The following MMP20 variants were observed in gnomAD, a reference collection of about 807,000 sequenced individuals.
The protein encoded by MMP20 is matrix metalloproteinase-20.
Under a neutral mutation model 51.8 loss-of-function variants are expected in MMP20, and 50 were observed. The observed-to-expected ratio is 0.97, with a 90% CI of 0.77 to 1.22. MMP20 has a LOEUF of 1.22. Among genes scored for constraint, MMP20 ranks in the 50% most tolerant of loss-of-function variants. MMP20 has a pLI of 0.00. For missense variants in MMP20, 663 were observed against 601.4 expected (o/e 1.10, Z -1.07); for synonymous variants, 244 against 216.2 (o/e 1.13, Z -1.13).
chr11:102,608,604 G>C (rs1003433477), intron 5 of MMP20, among the ~76,000 whole-genome samples: 3 of 152,110 alleles, frequency 2.0e-5, no homozygotes, highest in African/African-American at 7.2e-5. Flanking sequence ...TCTGCAAATG[G>C]GTAAGCACCA....
chr11:102,602,130 T>G (rs1436188369), intron 6 of MMP20, among the ~76,000 whole-genome samples: 27 of 67,466 alleles, frequency 4.0e-4, no homozygotes, highest in Non-Finnish European at 7.1e-4. Context: ...TTTTTTTTTT[T>G]TTTTTTTTTT....
chr11:102,605,425 T>C (rs764278304), intron 6 of MMP20: 7 of 152,102 alleles, frequency 4.6e-5, no homozygotes, highest in Non-Finnish European at 7.3e-5. Flanking sequence ...ACTTTCTCTC[T>C]GTGCTGAAGG....
intron 6 of MMP20, among the ~76,000 whole-genome samples, chr11:102,602,491 G>A (rs1290577934): frequency 2.0e-5 from 3 of 152,122 alleles, no homozygotes; most frequent in South Asian, 4.1e-4. Flanking sequence ...GGAACAGCTC[G>A]GAAGTGCTCT....
rs764234748 is a variant in MMP20 at position 102,579,079 on chromosome 11, T to C, written c.1311A>G (p.Ser437=). 9.3e-6 allele frequency: 15 copies of C among 1,613,764 alleles called. No individual in the cohort carries two copies. Among genetic ancestry groups the C allele is most frequent in the Non-Finnish European group, 1.2e-5 (14 of 1,179,784 alleles). ...DYPKNTEEEF[S]GVNGQIDAAV... ...CAGCATCGATTTGGCCATTTACTCCTGAAAATTCTTCTTCAGTATTCTTTG... is the reference window on the plus strand; with the variant it reads ...CAGCATCGATTTGGCCATTTACTCCCGAAAATTCTTCTTCAGTATTCTTTG... The change falls in exon 9 of 10, where the codon TCA becomes TCG. Residue 437 remains serine, a synonymous_variant. Coordinates refer to ENST00000260228, the MANE Select transcript of MMP20 (RefSeq NM_004771.4).
At chr11:102,619,403 A>G (rs1264688981) in intron 1 of MMP20, among the ~76,000 whole-genome samples, 2 of 152,202 alleles carry the variant, frequency 1.3e-5, no homozygotes, top group Non-Finnish European at 2.9e-5. Flanking sequence ...AGTGGAAAAC[A>G]TGTTTGCCGT....
At chr11:102,602,154 G>T (rs140403008) in intron 6 of MMP20, among the ~76,000 whole-genome samples, 2 of 121,378 alleles carry the variant, frequency 1.6e-5, no homozygotes, top group Admixed American at 9.4e-5. Flanking sequence ...ATTTTTAGTA[G>T]AGACGGGGTT....
intron 2 of MMP20, 130 bp downstream of exon 2, chr11:102,616,682 A>AGTTCTT: frequency 1.6e-6 from 2 of 1,225,208 alleles, no homozygotes; most frequent in Admixed American, 4.4e-5. Flanking sequence ...GGATGTAAAA[A>AGTTCTT]GTTCTTATTC....
chr11:102,623,146 T>A (rs1859771879), intron 1 of MMP20, among the ~76,000 whole-genome samples: 1 of 152,138 alleles, frequency 6.6e-6, no homozygotes, highest in African/African-American at 2.4e-5. Flanking sequence ...AAGTAAGGAA[T>A]CACTAAAGGT....
chr11:102,616,847 A>T lies in MMP20; in HGVS notation c.339T>A (p.Gly113=). ...PDVANYRLFP[G]EPKWKKNTLT... ...AAGTATTTTTTTTCCATTTGGGTTC[A>T]CCAGGGAAGAGGCGATAATTGGCCA... Residue 113 remains glycine, a synonymous_variant, in exon 2 of 10, where the codon GGT becomes GGA. Coordinates refer to ENST00000260228, the MANE Select transcript of MMP20 (RefSeq NM_004771.4). 1.9e-6 allele frequency: 3 copies of T among 1,614,190 alleles called. No individual in the cohort carries two copies. In the South Asian group the frequency reaches 3.3e-5, roughly 18 times the overall value.
Position 102,606,470 on chromosome 11 carries a change from GGAC to G in MMP20, c.953+62_953+64del. 1.9e-6 allele frequency: 3 copies of G among 1,603,554 alleles called. No individual in the cohort carries two copies. The South Asian group carries it at 3.3e-5, about 18-fold the overall frequency. ...TACAAGGCAGCAACAAGGACCTGTG[GGAC>G]GACGTTTGTCTGGGAGTGGAGATGA... On this transcript the variant is annotated intron_variant, in intron 6 of 9. Transcript: ENST00000260228.
chr11:102,607,833 C>G (rs1201560401), intron 5 of MMP20: 1 of 151,762 alleles, frequency 6.6e-6, no homozygotes, highest in Non-Finnish European at 1.5e-5. Context: ...CGGTGGCCCA[C>G]AGGAATCGCT....
At chr11:102,595,103 G>A (rs937633577) in intron 6 of MMP20, among the ~76,000 whole-genome samples, 81 of 151,856 alleles carry the variant, frequency 5.3e-4, no homozygotes, top group Admixed American at 3.7e-3. Flanking sequence ...TGTACTTTTA[G>A]TAGAGACAGG....
chr11:102,618,731 A>G (rs1859707895), intron 1 of MMP20, among the ~76,000 whole-genome samples: 1 of 152,182 alleles, frequency 6.6e-6, no homozygotes, highest in African/African-American at 2.4e-5. Context: ...CCTGAATATT[A>G]ATGTTGATTA....
intron 5 of MMP20, 50 bp from the exon 6 acceptor site, chr11:102,606,726 A>C: frequency 1.2e-6 from 2 of 1,605,698 alleles, no homozygotes; most frequent in Non-Finnish European, 1.7e-6. Context: ...TTTGGAGTTC[A>C]CACACTTCTG....
At chr11:102,625,078 A>G (rs1859803211) in intron 1 of MMP20, 116 bp downstream of exon 1, 8 of 1,363,138 alleles carry the variant, frequency 5.9e-6, no homozygotes, top group Admixed American at 1.7e-5. Context: ...ACTTCAATGG[A>G]CTTATATAAA....
intron 2 of MMP20, among the ~76,000 whole-genome samples, chr11:102,612,472 TTAAA>T (rs973508473): frequency 6.6e-6 from 1 of 151,982 alleles, no homozygotes; most frequent in African/African-American, 2.4e-5. Context: ...TCAAAAATAA[TTAAA>T]TAAATAAATA....
chr11:102,577,219 A>T lies in MMP20; in HGVS notation c.*107T>A. On this transcript the variant is annotated 3_prime_UTR_variant, in exon 10 of 10. Coordinates refer to ENST00000260228, the MANE Select transcript of MMP20 (RefSeq NM_004771.4). ...TCTCAGTGAATTCTAATTTGATTTG[A>T]AGGCCTTTGGAAGAATCCCTCTCCT... The T allele has an allele frequency of 1.3e-6, 1 of 747,412 alleles. No homozygotes were observed. Among genetic ancestry groups the T allele is most frequent in the Non-Finnish European group, 2.4e-6 (1 of 415,944 alleles). The allele number at this position is 747,412 out of a possible 1,614,324, so 46.3% of individuals were successfully genotyped here. A position where few individuals can be genotyped will look rare whatever the true frequency, so the allele number is the denominator to read the frequency against.
At chr11:102,580,481 G>A (rs537098263) in intron 8 of MMP20, among the ~76,000 whole-genome samples, 45 of 152,296 alleles carry the variant, frequency 3.0e-4, no homozygotes, top group Admixed American at 4.6e-4. Flanking sequence ...ACAGGCCAGG[G>A]ATAACTCTCT....
intron 1 of MMP20, among the ~76,000 whole-genome samples, chr11:102,618,638 TATA>T (rs759717496): frequency 5.0e-4 from 76 of 152,234 alleles, no homozygotes; most frequent in East Asian, 1.3e-3. Context: ...TTTATAAGGT[TATA>T]ATAATAATTT....
Sources: gnomAD v4.1 joint callset for allele counts (sites outside exome capture counted in the v4.1 genomes callset) on GRCh38, gnomAD v4.1.1 for gene constraint, MANE v1.5 for transcripts, NCBI Gene and HGNC (gene_info 2026-07-23, HGNC 2026-07-21) for gene names.